Variants in CSNK1G1 observed in about 807,000 individuals in gnomAD.
CSNK1G1 encodes casein kinase 1 gamma 1.
A neutral mutation model predicts 59.6 loss-of-function variants in CSNK1G1; 22 were observed. The observed-to-expected ratio is 0.37, with a 90% CI of 0.26 to 0.53. The LOEUF is 0.53. CSNK1G1 is among the 20% of genes least tolerant of loss of function. The pLI is 0.89. For missense variants in CSNK1G1, 384 were observed against 519.5 expected (o/e 0.74, Z 2.54); for synonymous variants, 179 against 177.1 (o/e 1.01, Z -0.08).
chr15:64,202,667 C>T (rs952148921), intron 10 of CSNK1G1, among the ~76,000 whole-genome samples: 29 of 152,094 alleles, frequency 1.9e-4, no homozygotes, highest in African/African-American at 6.8e-4. Flanking sequence ...ATTCTCCCAC[C>T]TCAGCCTCCA....
intron 11 of CSNK1G1, among the ~76,000 whole-genome samples, chr15:64,172,800 C>T (rs1771831847): frequency 6.6e-6 from 1 of 152,156 alleles, no homozygotes; most frequent in Admixed American, 6.5e-5. Flanking sequence ...CTTTATGAGT[C>T]CTCCAAGTTC....
intron 1 of CSNK1G1, among the ~76,000 whole-genome samples, chr15:64,342,103 T>C (rs752957072): frequency 3.3e-5 from 5 of 152,226 alleles, no homozygotes; most frequent in Non-Finnish European, 7.3e-5. Flanking sequence ...CTCTGTCAAG[T>C]AGGATTAAAA....
chr15:64,171,674 A>G lies in CSNK1G1; in HGVS notation c.*257T>C, dbSNP rs1159917569. 5.5e-6 allele frequency: 3 copies of G among 549,700 alleles called. No homozygotes were observed. Among genetic ancestry groups the G allele is most frequent in the South Asian group, 2.3e-5 (1 of 42,982 alleles). 34.1% of individuals were successfully genotyped at this position (549,700 alleles called of 1,614,324 possible). ...TAAACAATGGGAAGGAGAGTCAACC[A>G]GGCAGCCCTATGGGCAAGCAGTGGA... is the stretch of plus-strand genomic sequence containing the variant. On this transcript the variant is annotated 3_prime_UTR_variant, in exon 12 of 12. Transcript: ENST00000303052. This position sits in a 1 kb window ranked among gnomAD's most constrained non-coding sequence, Gnocchi z 4.8.
In CSNK1G1 at chr15:64,166,759, G is replaced by C. The variant is rs949000765; in HGVS notation, c.*5172C>G. 12 of 152,730 alleles carry C rather than the reference G, an allele frequency of 7.9e-5. No homozygotes were observed. Among genetic ancestry groups the C allele is most frequent in the African/African-American group, 2.9e-4 (12 of 41,548 alleles). 9.5% of individuals were successfully genotyped at this position (152,730 alleles called of 1,614,324 possible). A position where few individuals can be genotyped will look rare whatever the true frequency, so the allele number is the denominator to read the frequency against. On this transcript the variant is annotated 3_prime_UTR_variant, in exon 12 of 12. Coordinates refer to ENST00000303052, the MANE Select transcript of CSNK1G1 (RefSeq NM_022048.5). This position sits in a 1 kb window ranked among gnomAD's most constrained non-coding sequence, Gnocchi z 4.5. ...CTCACCTGTACTGAAAGAGGGGTGG[G>C]TGGGGACATTCAGAACAGCTGTCCT...
At chr15:64,198,190 T>A (rs545810363) in intron 10 of CSNK1G1, among the ~76,000 whole-genome samples, 1 of 147,648 alleles carries the variant, frequency 6.8e-6, no homozygotes, top group Non-Finnish European at 1.5e-5. Context: ...CCACAGGATA[T>A]ACTTTTTTTT....
At position 64,263,261 on chromosome 15, in the gene CSNK1G1, T is replaced by C. The variant is rs143809719; in HGVS notation, c.182-4020A>G. Among the ~76,000 whole-genome samples the C allele has an allele frequency of 0.023, 3,527 of 151,808 alleles. 258 individuals carry two copies. The South Asian group carries it at 0.29, about 13-fold the overall frequency. On this transcript the variant is annotated intron_variant, in intron 2 of 11. Transcript: ENST00000303052. ...TGGAGCGCAGTGGCATGATCTCAGC[T>C]CATTGCAACCTTTGCCTCCATGGTT...
intron 6 of CSNK1G1, among the ~76,000 whole-genome samples, chr15:64,212,407 G>C (rs1355823349): frequency 6.6e-6 from 1 of 152,140 alleles, no homozygotes; most frequent in African/African-American, 2.4e-5. Context: ...TATTACATTA[G>C]TCTTTAAAAT....
chr15:64,188,427 G>A lies in CSNK1G1; in HGVS notation c.1108-7973C>T, dbSNP rs1371097041. ...AGCCAAGTGAGACGTTAGGTATGAG[G>A]TATTGGTCTGCCGGCTGGGCTGAAT... is the stretch of plus-strand genomic sequence containing the variant. On this transcript the variant is annotated intron_variant, in intron 10 of 11. Coordinates refer to ENST00000303052, the MANE Select transcript of CSNK1G1 (RefSeq NM_022048.5). The surrounding 1 kb of genome is among the most constrained non-coding windows in gnomAD (Gnocchi z 4.2). 6.5e-7 allele frequency: 1 copy of A among 1,536,138 alleles called. No homozygotes were observed. Among genetic ancestry groups the A allele is most frequent in the Admixed American group, 2.0e-5 (1 of 51,000 alleles).
chr15:64,286,332 A>G (rs1566934021), intron 2 of CSNK1G1, among the ~76,000 whole-genome samples: 1 of 151,884 alleles, frequency 6.6e-6, no homozygotes, highest in Non-Finnish European at 1.5e-5. Flanking sequence ...TATTGTTAAC[A>G]TGTTATTGTT....
chr15:64,228,109 C>T (rs1453852525), intron 4 of CSNK1G1, among the ~76,000 whole-genome samples: 1 of 151,840 alleles, frequency 6.6e-6, no homozygotes, highest in East Asian at 1.9e-4. Flanking sequence ...ATTTTCTTGC[C>T]CTCTCCCCCA....
At chr15:64,229,902 A>ATTTTTTTTTTTTTTTTTTTTTTTTT (rs533868270) in intron 4 of CSNK1G1, among the ~76,000 whole-genome samples, 4 of 43,808 alleles carry the variant, frequency 9.1e-5, no homozygotes, top group African/African-American at 1.7e-4. Context: ...ATGTTTGTAA[A>ATTTTTTTTTTTTTTTTTTTTTTTTT]TTTTTTTTTT....
intron 3 of CSNK1G1, among the ~76,000 whole-genome samples, chr15:64,253,909 G>T (rs1892224099): frequency 1.3e-5 from 2 of 152,098 alleles, no homozygotes; most frequent in Non-Finnish European, 2.9e-5. Flanking sequence ...GGAGGCTGAG[G>T]CGGGTGGATT....
intron 1 of CSNK1G1, among the ~76,000 whole-genome samples, chr15:64,302,582 T>C (rs1021740708): frequency 7.9e-5 from 12 of 152,196 alleles, no homozygotes; most frequent in African/African-American, 2.7e-4. Context: ...TTCCTCATTG[T>C]TTCTCCTATT....
chr15:64,171,623 A>T lies in CSNK1G1; in HGVS notation c.*308T>A. On this transcript the variant is annotated 3_prime_UTR_variant, in exon 12 of 12. Transcript: ENST00000303052. The surrounding 1 kb of genome is among the most constrained non-coding windows in gnomAD (Gnocchi z 4.8). ...GGAAGAAGGAGAATAGCAGTCCTTG[A>T]GTTTTTGTGAATGACACCTTCACTG... 4.7e-6 allele frequency: 2 copies of T among 429,064 alleles called. No individual in the cohort carries two copies. The highest frequency in any genetic ancestry group is 8.5e-6 in the Non-Finnish European group (2 of 235,738). 26.6% of individuals were successfully genotyped at this position (429,064 alleles called of 1,614,324 possible). A position where few individuals can be genotyped will look rare whatever the true frequency, so the allele number is the denominator to read the frequency against.
intron 1 of CSNK1G1, among the ~76,000 whole-genome samples, chr15:64,337,324 A>G (rs1897440937): frequency 6.6e-6 from 1 of 152,168 alleles, no homozygotes; most frequent in South Asian, 2.1e-4. Flanking sequence ...AAGACTTCTA[A>G]TAAGTTTTTC....
At chr15:64,240,349 G>A (rs1053098792) in intron 4 of CSNK1G1, among the ~76,000 whole-genome samples, 2 of 152,068 alleles carry the variant, frequency 1.3e-5, no homozygotes, top group African/African-American at 4.8e-5. Context: ...TAGAAGAAGA[G>A]ATGAAAAAAG....
rs1193167989 is a variant in CSNK1G1, at chr15:64,167,450, TG to T, written c.*4480del. 1.3e-5 allele frequency: 2 copies of T among 152,706 alleles called. No homozygotes were observed. The highest frequency in any genetic ancestry group is 6.5e-5 in the Admixed American group (1 of 15,286). The allele number at this position is 152,706 out of a possible 1,614,324, so 9.5% of individuals were successfully genotyped here. ...CATCGACCTCTAGACAGGACTTCCC[TG>T]GAGTCTGCAAAAGCAAGAACCCGAG... On this transcript the variant is annotated 3_prime_UTR_variant, in exon 12 of 12. Coordinates refer to ENST00000303052, the MANE Select transcript of CSNK1G1 (RefSeq NM_022048.5).
intron 1 of CSNK1G1, among the ~76,000 whole-genome samples, chr15:64,329,590 C>T (rs1308673400): frequency 4.0e-4 from 53 of 133,762 alleles, no homozygotes; most frequent in African/African-American, 1.5e-3. Flanking sequence ...CCAAAATTGA[C>T]ATCCTAACAT....
intron 10 of CSNK1G1, among the ~76,000 whole-genome samples, chr15:64,193,151 CT>C (rs893859596): frequency 6.6e-6 from 1 of 151,724 alleles, no homozygotes; most frequent in East Asian, 1.9e-4. Flanking sequence ...ATTAAAATTT[CT>C]TTTTTTTCTT....
Sources: allele counts gnomAD v4.1 joint callset (sites outside exome capture counted in the v4.1 genomes callset), GRCh38; gene constraint gnomAD v4.1.1; non-coding constraint Gnocchi (gnomAD v3.1); transcripts MANE v1.5; gene names NCBI Gene and HGNC (gene_info 2026-07-23, HGNC 2026-07-21).